Variants in PPP2R2B observed in about 807,000 individuals in gnomAD.
The protein encoded by PPP2R2B is protein phosphatase 2 regulatory subunit Bbeta.
PPP2R2B carries 5 observed loss-of-function variants against 46.0 expected under a neutral mutation model. That is an observed-to-expected ratio of 0.11 (90% CI 0.06 to 0.23). PPP2R2B has a LOEUF of 0.23. Among genes scored for constraint, PPP2R2B ranks in the 10% least tolerant of loss-of-function variants. PPP2R2B has a pLI of 1.00. For missense variants in PPP2R2B, 367 were observed against 575.0 expected, an observed-to-expected ratio of 0.64 and a Z score of 3.70; for synonymous variants, 215 against 206.7, an observed-to-expected ratio of 1.04 and a Z score of -0.34.
intron 1 of PPP2R2B, among the ~76,000 whole-genome samples, chr5:146,923,711 A>G (rs554606145): frequency 6.6e-6 from 1 of 152,326 alleles, no homozygotes; most frequent in East Asian, 1.9e-4. Context: ...CAGCAATCCC[A>G]TTACTGGGTA....
intron 2 of PPP2R2B, among the ~76,000 whole-genome samples, chr5:146,851,181 G>A (rs1339451487): frequency 6.6e-6 from 1 of 152,136 alleles, no homozygotes; most frequent in Non-Finnish European, 1.5e-5. Context: ...CTGTCCCTCA[G>A]AGATCTGTTT....
chr5:146,810,570 C>G (rs1295118601), intron 2 of PPP2R2B, among the ~76,000 whole-genome samples: 1 of 152,148 alleles, frequency 6.6e-6, no homozygotes, highest in African/African-American at 2.4e-5. Context: ...CCCAAAGTCA[C>G]ACAGCTGGTG....
At chr5:146,782,985 C>T (rs1030433560) in intron 2 of PPP2R2B, among the ~76,000 whole-genome samples, 14 of 152,140 alleles carry the variant, frequency 9.2e-5, no homozygotes, top group African/African-American at 3.4e-4. Context: ...CCTGCTATCA[C>T]ATATACTGGC....
At chr5:146,591,014 A>G (rs1770594297) in intron 9 of PPP2R2B, among the ~76,000 whole-genome samples, 1 of 152,076 alleles carries the variant, frequency 6.6e-6, no homozygotes. Context: ...CAAACACCCA[A>G]TGTCTTCCAG....
chr5:146,673,091 A>C (rs963046565), intron 5 of PPP2R2B, among the ~76,000 whole-genome samples: 1 of 152,230 alleles, frequency 6.6e-6, no homozygotes, highest in African/African-American at 2.4e-5. Context: ...AGTGCCAATA[A>C]AGCTCATCTG....
At chr5:146,790,574 C>CAT (rs988662054) in intron 2 of PPP2R2B, among the ~76,000 whole-genome samples, 7 of 152,166 alleles carry the variant, frequency 4.6e-5, no homozygotes, top group Non-Finnish European at 2.9e-5. Flanking sequence ...GGGGGATGAG[C>CAT]ATATGATGGG....
At chr5:146,647,587 C>T (rs1775672344) in intron 6 of PPP2R2B, among the ~76,000 whole-genome samples, 1 of 152,232 alleles carries the variant, frequency 6.6e-6, no homozygotes, top group Non-Finnish European at 1.5e-5. Context: ...CAGTCTGTCA[C>T]ACATCTGCAG....
intron 1 of PPP2R2B, among the ~76,000 whole-genome samples, chr5:146,906,754 G>A (rs1453993209): frequency 6.6e-6 from 1 of 152,062 alleles, no homozygotes; most frequent in Non-Finnish European, 1.5e-5. Flanking sequence ...TTTAAATTAT[G>A]TACCTGGCTC....
At chr5:146,934,979 T>C (rs1764094083) in intron 1 of PPP2R2B, among the ~76,000 whole-genome samples, 2 of 152,178 alleles carry the variant, frequency 1.3e-5, no homozygotes, top group South Asian at 4.1e-4. Context: ...CTCCATCAGT[T>C]ACCATTGATT....
chr5:146,662,699 C>T (rs1776742095), intron 5 of PPP2R2B, among the ~76,000 whole-genome samples: 1 of 151,886 alleles, frequency 6.6e-6, no homozygotes, highest in African/African-American at 2.4e-5. Context: ...TTTTATAGTT[C>T]TATACTGATT....
intron 2 of PPP2R2B, among the ~76,000 whole-genome samples, chr5:146,855,492 T>C (rs1464831232): frequency 2.0e-5 from 3 of 152,130 alleles, no homozygotes; most frequent in Admixed American, 2.0e-4. Flanking sequence ...ACAGTATACA[T>C]ACACATACAC....
intron 2 of PPP2R2B, among the ~76,000 whole-genome samples, chr5:146,719,094 T>C (rs1307181233): frequency 6.6e-6 from 1 of 152,252 alleles, no homozygotes; most frequent in Non-Finnish European, 1.5e-5. Context: ...GGACTTTGTC[T>C]TGAGAAATAA....
At chr5:146,908,995 A>G (rs1160999666) in intron 1 of PPP2R2B, among the ~76,000 whole-genome samples, 1 of 152,048 alleles carries the variant, frequency 6.6e-6, no homozygotes, top group African/African-American at 2.4e-5. Context: ...TTACTTTAAG[A>G]TCCTTCAGAT....
intron 2 of PPP2R2B, among the ~76,000 whole-genome samples, chr5:146,723,952 C>T (rs911105361): frequency 2.0e-5 from 3 of 152,078 alleles, no homozygotes; most frequent in African/African-American, 4.8e-5. Context: ...TTCATTCATT[C>T]GTGCCAACAT....
At chr5:146,597,577 C>G (rs454304) in intron 8 of PPP2R2B, among the ~76,000 whole-genome samples, 3,714 of 152,162 alleles carry the variant, frequency 0.024, 143 homozygotes, top group African/African-American at 0.085. Context: ...TACTTTCTAC[C>G]CTTTGTTTAC....
intron 1 of PPP2R2B, among the ~76,000 whole-genome samples, chr5:146,989,069 G>GCC (rs2151860498): frequency 6.6e-6 from 1 of 152,028 alleles, no homozygotes. Context: ...TAGAAAAACT[G>GCC]AACAGACCAA....
chr5:146,813,552 C>T (rs1414246966), intron 2 of PPP2R2B, among the ~76,000 whole-genome samples: 6 of 152,072 alleles, frequency 3.9e-5, no homozygotes, highest in African/African-American at 1.4e-4. Context: ...GGCAGCTGTC[C>T]GGGTCCTCAG....
intron 1 of PPP2R2B, among the ~76,000 whole-genome samples, chr5:147,012,994 C>T (rs961412869): frequency 2.6e-5 from 4 of 151,784 alleles, no homozygotes; most frequent in Non-Finnish European, 5.9e-5. Context: ...CCCATTGTCT[C>T]AGCCCAAAAT....
At chr5:146,783,943 T>C (rs943368576) in intron 2 of PPP2R2B, among the ~76,000 whole-genome samples, 2 of 152,212 alleles carry the variant, frequency 1.3e-5, no homozygotes, top group Admixed American at 6.5e-5. Flanking sequence ...TATGTATATA[T>C]CTTTGTGTGT....
Sources: allele counts gnomAD v4.1 joint callset (sites outside exome capture counted in the v4.1 genomes callset), GRCh38; gene constraint gnomAD v4.1.1; transcripts MANE v1.5; gene names NCBI Gene and HGNC (gene_info 2026-07-23, HGNC 2026-07-21).